Variants in PARD3B observed in about 807,000 individuals in gnomAD.
PARD3B encodes partitioning defective 3 homolog B.
PARD3B carries 103 observed loss-of-function variants against 130.2 expected under a neutral mutation model. The observed-to-expected ratio is 0.79, with a 90% confidence interval of 0.67 to 0.93. The LOEUF is 0.93. Among genes scored for constraint, PARD3B ranks in the 40% least tolerant of loss-of-function variants. PARD3B has a pLI of 0.00. For missense variants in PARD3B, 1,609 were observed against 1,499.2 expected (o/e 1.07, Z -1.21); for synonymous variants, 583 against 553.2 (o/e 1.05, Z -0.76).
At chr2:204,840,056 A>G (rs1041153971) in intron 2 of PARD3B, among the ~76,000 whole-genome samples, 2 of 152,214 alleles carry the variant, frequency 1.3e-5, no homozygotes, top group East Asian at 1.9e-4. Flanking sequence ...TAAGGGATTT[A>G]CATCCTTTTT....
intron 20 of PARD3B, among the ~76,000 whole-genome samples, chr2:205,493,720 GTATGTATTTATTTATT>G (rs1231262889): frequency 5.7e-3 from 29 of 5,064 alleles, no homozygotes; most frequent in East Asian, 0.037. Flanking sequence ...TTTCATTTAT[GTATGTATTTATTTATT>G]TATTTATTTA....
At chr2:205,164,416 G>A (rs969580817) in intron 11 of PARD3B, among the ~76,000 whole-genome samples, 5 of 152,156 alleles carry the variant, frequency 3.3e-5, no homozygotes, top group Admixed American at 6.6e-5. Flanking sequence ...AATCGTGCCT[G>A]TGAATAGTCA....
chr2:204,953,332 A>G (rs1156937918), intron 2 of PARD3B, among the ~76,000 whole-genome samples: 2 of 151,952 alleles, frequency 1.3e-5, no homozygotes, highest in African/African-American at 4.8e-5. Flanking sequence ...AAAGTTGCTC[A>G]TAAGAAAAAT....
intron 16 of PARD3B, among the ~76,000 whole-genome samples, chr2:205,286,451 A>C (rs2041400135): frequency 6.6e-6 from 1 of 152,162 alleles, no homozygotes; most frequent in African/African-American, 2.4e-5. Context: ...TAACTTCCTT[A>C]GATTCTAAAC....
chr2:204,702,341 A>G (rs2037933877), intron 2 of PARD3B, among the ~76,000 whole-genome samples: 1 of 152,168 alleles, frequency 6.6e-6, no homozygotes, highest in Non-Finnish European at 1.5e-5. Flanking sequence ...AGGTGGCTGA[A>G]CTAATTTGCA....
intron 3 of PARD3B, among the ~76,000 whole-genome samples, chr2:205,025,177 G>C (rs1344923466): frequency 1.3e-5 from 2 of 152,192 alleles, no homozygotes; most frequent in African/African-American, 4.8e-5. Context: ...GCAAGAGTGT[G>C]TTCAGTCTGC....
chr2:205,442,290 C>CA (rs1553515313), intron 20 of PARD3B, among the ~76,000 whole-genome samples: 18 of 105,992 alleles, frequency 1.7e-4, no homozygotes, highest in African/African-American at 7.2e-4. Flanking sequence ...ACAGGTTTTC[C>CA]TTTTTTTTTT....
chr2:205,457,743 A>G (rs542614417), intron 20 of PARD3B, among the ~76,000 whole-genome samples: 1 of 151,606 alleles, frequency 6.6e-6, no homozygotes, highest in African/African-American at 2.4e-5. Context: ...TTGTTTTCTA[A>G]CTTTCAATGT....
chr2:205,241,866 C>A lies in PARD3B; in HGVS notation c.2141-3912C>A, dbSNP rs990720216. Among the ~76,000 whole-genome samples, 3 of 152,008 alleles carry A rather than the reference C, an allele frequency of 2.0e-5. No individual in the cohort carries two copies. Among genetic ancestry groups the A allele is most frequent in the African/African-American group, 7.2e-5 (3 of 41,386 alleles). ...TGAAACTACTAGACGTAAGCTTAAG[C>A]CCCAAGAGATAATTTTAATAGTAGC... On this transcript the variant is annotated intron_variant, in intron 15 of 22. Transcript: ENST00000406610. The surrounding 1 kb of genome is among the most constrained non-coding windows in gnomAD (Gnocchi z 4.2).
chr2:205,103,732 G>T (rs1056408660), intron 4 of PARD3B: 1 of 985,312 alleles, frequency 1.0e-6, no homozygotes, highest in Non-Finnish European at 1.2e-6. Flanking sequence ...AGCATCAGGC[G>T]TGCTTTCTAG....
chr2:205,522,320 A>AT lies in PARD3B; in HGVS notation c.3180+22294dup, dbSNP rs1368039209. On this transcript the variant is annotated intron_variant, in intron 21 of 22. Coordinates refer to ENST00000406610, the MANE Select transcript of PARD3B (RefSeq NM_001302769.2). ...AGTATTCTAAAATATTAAAGACTTT[A>AT]TTTTTCCTTTGATCAAGAATGATTT... Among the ~76,000 whole-genome samples, 4 of 151,726 alleles carry AT rather than the reference A, an allele frequency of 2.6e-5. No homozygotes were observed. In the East Asian group the frequency reaches 5.8e-4, roughly 22 times the overall value.
chr2:205,156,834 A>G (rs1316516614), intron 10 of PARD3B, among the ~76,000 whole-genome samples: 1 of 152,202 alleles, frequency 6.6e-6, no homozygotes, highest in African/African-American at 2.4e-5. Flanking sequence ...AAAAATTTTC[A>G]AAAGAAAAGA....
In PARD3B at chr2:205,572,634, A is replaced by G. The variant is rs1446994960; in HGVS notation, c.3260+19231A>G. On this transcript the variant is annotated intron_variant, in intron 22 of 22. Transcript: ENST00000406610. The surrounding 1 kb of genome is among the most constrained non-coding windows in gnomAD (Gnocchi z 4.2). ...GTGGTGGGCACCTGTAGTCCCAGTT[A>G]CTCGGGAGGCTGAGGGAGGAGAATT... Among the ~76,000 whole-genome samples, 5 of 152,102 alleles carry G rather than the reference A, an allele frequency of 3.3e-5. No homozygotes were observed. In the East Asian group the frequency reaches 9.6e-4, roughly 29 times the overall value.
intron 2 of PARD3B, among the ~76,000 whole-genome samples, chr2:204,748,695 T>A (rs1022385404): frequency 6.6e-6 from 1 of 152,118 alleles, no homozygotes; most frequent in Non-Finnish European, 1.5e-5. Flanking sequence ...GAGAACTGCA[T>A]TTTTAACAAG....
intron 22 of PARD3B, among the ~76,000 whole-genome samples, chr2:205,570,422 G>A (rs10184371): frequency 0.018 from 2,745 of 152,166 alleles, 84 homozygotes; most frequent in African/African-American, 0.06. Flanking sequence ...TATTTCATTC[G>A]TAAAAACTTA....
chr2:205,050,859 G>A (rs1312655962), intron 4 of PARD3B, among the ~76,000 whole-genome samples: 1 of 152,040 alleles, frequency 6.6e-6, no homozygotes, highest in African/African-American at 2.4e-5. Context: ...AGATCTTTGA[G>A]CCTCACATCA....
At chr2:205,216,961 T>C (rs181766215) in intron 15 of PARD3B, among the ~76,000 whole-genome samples, 43 of 152,232 alleles carry the variant, frequency 2.8e-4, no homozygotes, top group African/African-American at 9.6e-4. Flanking sequence ...CGCACCCATA[T>C]TTGTCACTGT....
At chr2:204,589,913 G>A (rs2033003504) in intron 1 of PARD3B, among the ~76,000 whole-genome samples, 1 of 152,140 alleles carries the variant, frequency 6.6e-6, no homozygotes, top group Non-Finnish European at 1.5e-5. Flanking sequence ...GGGAGATGGG[G>A]ACTTGCTTCT....
chr2:205,301,866 C>G lies in PARD3B; in HGVS notation c.2630+165C>G, dbSNP rs369175857. The G allele has an allele frequency of 1.8e-6, 2 of 1,117,220 alleles. No individual in the cohort carries two copies. Among genetic ancestry groups the G allele is most frequent in the African/African-American group, 1.5e-5 (1 of 64,894 alleles). The allele number at this position is 1,117,220 out of a possible 1,614,324, so 69.2% of individuals were successfully genotyped here. ...TTCTCTTTCTGCAGAGGCAGAGGAG[C>G]TTTTTGGGGAAAGTTACAGTGATGA... On this transcript the variant is annotated intron_variant, in intron 18 of 22. Transcript: ENST00000406610. The surrounding 1 kb of genome is among the most constrained non-coding windows in gnomAD (Gnocchi z 5.2).
Sources: allele counts gnomAD v4.1 joint callset (sites outside exome capture counted in the v4.1 genomes callset), GRCh38; gene constraint gnomAD v4.1.1; non-coding constraint Gnocchi (gnomAD v3.1); transcripts MANE v1.5; gene names NCBI Gene and HGNC (gene_info 2026-07-23, HGNC 2026-07-21).